TMEM135: variants seen among roughly 807,000 people sequenced by gnomAD.
TMEM135 encodes the protein transmembrane protein 135, also known as peroxisomal membrane protein 52.
A neutral mutation model predicts 60.3 loss-of-function variants in TMEM135; 30 were observed. The observed-to-expected ratio is 0.50, with a 90% CI of 0.37 to 0.68. The LOEUF (loss-of-function observed/expected upper bound fraction) is 0.68, where lower values mean the gene tolerates loss of function less well. Ranked by LOEUF, TMEM135 falls within the 30% of genes least tolerant of loss-of-function variation. The pLI is 0.00. For missense variants in TMEM135, 468 were observed against 548.8 expected, an observed-to-expected ratio of 0.85 and a Z score of 1.47; for synonymous variants, 190 against 186.7, an observed-to-expected ratio of 1.02 and a Z score of -0.14.
At chr11:87,220,824 A>G (rs1371893356) in intron 5 of TMEM135, among the ~76,000 whole-genome samples, 1 of 152,204 alleles carries the variant, frequency 6.6e-6, no homozygotes, top group Admixed American at 6.5e-5. Context: ...AATCTTAACC[A>G]TGAAATCTAT....
At chr11:87,078,301 GC>G (rs1240417956) in intron 3 of TMEM135, among the ~76,000 whole-genome samples, 1 of 152,074 alleles carries the variant, frequency 6.6e-6, no homozygotes. Context: ...TTTCATTATG[GC>G]TTTGATTTTT....
chr11:87,213,358 C>T (rs750063632), intron 5 of TMEM135, among the ~76,000 whole-genome samples: 2 of 152,008 alleles, frequency 1.3e-5, no homozygotes, highest in Non-Finnish European at 2.9e-5. Flanking sequence ...TTTGTTTTGG[C>T]AGTGTATAAC....
intron 1 of TMEM135, 93 bp downstream of exon 1, chr11:87,038,279 G>A (rs1949721114): frequency 1.3e-6 from 2 of 1,531,122 alleles, no homozygotes; most frequent in African/African-American, 2.8e-5. Flanking sequence ...TGGGGGACTT[G>A]CCTTGTGTCG....
intron 5 of TMEM135, among the ~76,000 whole-genome samples, chr11:87,225,976 A>C (rs11235023): frequency 0.065 from 9,885 of 151,944 alleles, 348 homozygotes; most frequent in African/African-American, 0.087. Context: ...TTTAAAAAGA[A>C]ATTTGCCTTT....
rs568519447 is a variant in TMEM135, at chr11:87,042,945, T to C, written c.141+4759T>C. ...TCAGCTCTCACTCATCATTTATTTC[T>C]GTAGTTTTGTTTTGTTTTTTTTTTT... On this transcript the variant is annotated intron_variant, in intron 1 of 14. Transcript: ENST00000305494. 5.5e-5 allele frequency among the ~76,000 whole-genome samples: 8 copies of C among 145,368 alleles called. No individual in the cohort carries two copies. In the South Asian group the frequency reaches 1.1e-3, roughly 20 times the overall value.
chr11:87,124,239 A>T (rs1937658518), intron 4 of TMEM135, among the ~76,000 whole-genome samples: 1 of 152,192 alleles, frequency 6.6e-6, no homozygotes, highest in African/African-American at 2.4e-5. Flanking sequence ...CAGAATTGAA[A>T]GAAGTTCTAA....
chr11:87,108,038 CT>C (rs1857643285), intron 4 of TMEM135, among the ~76,000 whole-genome samples: 2 of 152,252 alleles, frequency 1.3e-5, no homozygotes, highest in African/African-American at 4.8e-5. Context: ...TTTCATGTGT[CT>C]TTTGGCTGCA....
chr11:87,206,387 T>C (rs1940234196), intron 5 of TMEM135, among the ~76,000 whole-genome samples: 1 of 152,172 alleles, frequency 6.6e-6, no homozygotes, highest in South Asian at 2.1e-4. Context: ...ATTCCAGGAC[T>C]ACAGGAAGGC....
chr11:87,135,491 A>ATCTT (rs1938066627), intron 4 of TMEM135, among the ~76,000 whole-genome samples: 1 of 47,590 alleles, frequency 2.1e-5, no homozygotes, highest in African/African-American at 7.4e-5. Flanking sequence ...TGAAGAGTTC[A>ATCTT]TCTTTTTTTT....
At chr11:87,204,531 T>C (rs1251180655) in intron 5 of TMEM135, among the ~76,000 whole-genome samples, 1 of 152,184 alleles carries the variant, frequency 6.6e-6, no homozygotes, top group Non-Finnish European at 1.5e-5. Flanking sequence ...ACCAGAAGCC[T>C]TACTGTAGCA....
chr11:87,248,696 G>C (rs1025041277), intron 6 of TMEM135, among the ~76,000 whole-genome samples: 3 of 151,908 alleles, frequency 2.0e-5, no homozygotes, highest in African/African-American at 7.2e-5. Flanking sequence ...TCTGTAGATT[G>C]CTTTGGGTAG....
At position 87,323,369 on chromosome 11, in the gene TMEM135, T is replaced by C. The variant is rs905069259; in HGVS notation, c.*2036T>C. The C allele has an allele frequency of 6.6e-6, 3 of 453,998 alleles. No homozygotes were observed. The highest frequency in any genetic ancestry group is 6.9e-4 in the Middle Eastern group (1 of 1,444). 28.1% of individuals were successfully genotyped at this position (453,998 alleles called of 1,614,324 possible). The stretch of plus-strand genomic sequence containing the variant: ...GATTGAGAAGTCCAGTTTGATTTCA[T>C]TGGGACAGACTGCAAAGTGTAGTTG... On this transcript the variant is annotated 3_prime_UTR_variant, in exon 15 of 15. Coordinates refer to ENST00000305494, the MANE Select transcript of TMEM135 (RefSeq NM_022918.4).
chr11:87,061,416 A>G (rs1354547413), intron 1 of TMEM135, among the ~76,000 whole-genome samples: 1 of 152,254 alleles, frequency 6.6e-6, no homozygotes, highest in African/African-American at 2.4e-5. Flanking sequence ...AAATGTCAAT[A>G]GTGCCAAGGC....
chr11:87,240,896 C>CA (rs1489151968), intron 6 of TMEM135, among the ~76,000 whole-genome samples: 1 of 78,158 alleles, frequency 1.3e-5, no homozygotes, highest in Non-Finnish European at 3.0e-5. Flanking sequence ...ATTGAATTGT[C>CA]ATAGCAGTTA....
intron 5 of TMEM135, among the ~76,000 whole-genome samples, chr11:87,163,067 A>C (rs1938933561): frequency 6.7e-6 from 1 of 149,138 alleles, no homozygotes; most frequent in South Asian, 2.1e-4. Flanking sequence ...ATTAAGTTTT[A>C]GGGTACATGT....
chr11:87,155,500 G>A (rs570394752), intron 4 of TMEM135, among the ~76,000 whole-genome samples: 1 of 152,320 alleles, frequency 6.6e-6, no homozygotes, highest in East Asian at 1.9e-4. Context: ...ATATGTGGAT[G>A]TAACTGTAAG....
At chr11:87,077,908 ACGTAT>A (rs1269437771) in intron 3 of TMEM135, among the ~76,000 whole-genome samples, 1 of 152,204 alleles carries the variant, frequency 6.6e-6, no homozygotes, top group Non-Finnish European at 1.5e-5. Flanking sequence ...TTGATGTCAT[ACGTAT>A]CATTTCATTA....
chr11:87,046,461 A>G (rs777918091), intron 1 of TMEM135, among the ~76,000 whole-genome samples: 1 of 152,262 alleles, frequency 6.6e-6, no homozygotes. Flanking sequence ...CGAAGGATCA[A>G]ATAAAGCTGT....
intron 5 of TMEM135, among the ~76,000 whole-genome samples, chr11:87,204,470 G>A (rs930516761): frequency 6.6e-6 from 1 of 152,066 alleles, no homozygotes; most frequent in Non-Finnish European, 1.5e-5. Context: ...TTAAAAATTT[G>A]AGAATAATTT....
Sources: gnomAD v4.1 joint callset for allele counts (sites outside exome capture counted in the v4.1 genomes callset) on GRCh38, gnomAD v4.1.1 for gene constraint, MANE v1.5 for transcripts, NCBI Gene and HGNC (gene_info 2026-07-23, HGNC 2026-07-21) for gene names.